The following KCNQ5 variants were observed in gnomAD, a reference collection of about 807,000 sequenced individuals.
KCNQ5 encodes potassium voltage-gated channel subfamily Q member 5, also known as potassium voltage-gated channel subfamily KQT member 5.
A neutral mutation model predicts 98.2 loss-of-function variants in KCNQ5; 30 were observed. The ratio of observed to expected loss-of-function variants is 0.31; its 90% CI spans 0.23 to 0.41. The LOEUF (loss-of-function observed/expected upper bound fraction) is 0.41. Ranked by LOEUF, KCNQ5 falls within the 10% of genes least tolerant of loss-of-function variation. KCNQ5 has a pLI of 1.00. For missense variants in KCNQ5, 835 were observed against 1,182.5 expected, an observed-to-expected ratio of 0.71 and a Z score of 4.31; for synonymous variants, 458 against 449.4, an observed-to-expected ratio of 1.02 and a Z score of -0.24.
rs1432389051 is a variant in KCNQ5 at position 73,124,497 on chromosome 6, G to A, written c.1232G>A (p.Gly411Glu). Residue 411 changes from glycine to glutamate, a missense_variant, in exon 9 of 14, where the codon GGG (glycine) becomes GAG (glutamate). Coordinates refer to ENST00000370398, the MANE Select transcript of KCNQ5 (RefSeq NM_019842.4). ...HTCSPTKKEQ[G>E]EASSSQKLSF... ...GCACGCACCTGAAGGAAAGAACAAG[G>A]GGAAGCATCAAGCAGGTTTGTGATT... 2 of 1,613,498 alleles carry A rather than the reference G, an allele frequency of 1.2e-6. No individual in the cohort carries two copies. Among genetic ancestry groups the A allele is most frequent in the Non-Finnish European group, 1.7e-6 (2 of 1,179,582 alleles).
intron 1 of KCNQ5, among the ~76,000 whole-genome samples, chr6:72,998,995 A>T (rs751782308): frequency 3.3e-5 from 5 of 152,218 alleles, no homozygotes; most frequent in Non-Finnish European, 4.4e-5. Flanking sequence ...CATCATTCAC[A>T]ATTGTTTGTG....
intron 2 of KCNQ5, among the ~76,000 whole-genome samples, chr6:73,006,122 G>A (rs1244759983): frequency 6.6e-6 from 1 of 152,100 alleles, no homozygotes; most frequent in Non-Finnish European, 1.5e-5. Flanking sequence ...ATCATTTGTA[G>A]AAGATTTGGA....
At chr6:73,023,777 T>C (rs1284598820) in intron 2 of KCNQ5, among the ~76,000 whole-genome samples, 1 of 152,224 alleles carries the variant, frequency 6.6e-6, no homozygotes, top group Non-Finnish European at 1.5e-5. Flanking sequence ...GGATGGCGTC[T>C]TCTTCCTTTG....
intron 9 of KCNQ5, among the ~76,000 whole-genome samples, chr6:73,129,378 C>T (rs1776126849): frequency 6.6e-6 from 1 of 152,180 alleles, no homozygotes; most frequent in Non-Finnish European, 1.5e-5. Flanking sequence ...TTCACACAAA[C>T]CAAGAACTTA....
chr6:73,034,850 T>C lies in KCNQ5; in HGVS notation c.490-7086T>C, dbSNP rs1012678815. ...CCACTGCCTCTTTTCTTTTTTTTTT[T>C]TTTTTTTTTTTTTGAGACAGTATCT... is the stretch of plus-strand genomic sequence containing the variant. On this transcript the variant is annotated intron_variant, in intron 2 of 13. Transcript: ENST00000370398. 2.5e-3 allele frequency among the ~76,000 whole-genome samples: 379 copies of C among 149,068 alleles called. 2 individuals are homozygous for C. Among genetic ancestry groups the C allele is most frequent in the Middle Eastern group, 0.01 (3 of 294 alleles).
chr6:73,046,280 T>C (rs1473530211), intron 3 of KCNQ5, among the ~76,000 whole-genome samples: 1 of 152,202 alleles, frequency 6.6e-6, no homozygotes, highest in African/African-American at 2.4e-5. Context: ...TTCCCTTTAG[T>C]AGAAATTATA....
At chr6:72,786,638 T>G (rs1248765826) in intron 1 of KCNQ5, among the ~76,000 whole-genome samples, 3 of 152,114 alleles carry the variant, frequency 2.0e-5, no homozygotes, top group African/African-American at 7.2e-5. Context: ...CTTGATTTAT[T>G]CAAAGTCCTA....
intron 8 of KCNQ5, 77 bp downstream of exon 8, chr6:73,120,654 A>C (rs991929208): frequency 1.4e-5 from 12 of 874,666 alleles, no homozygotes; most frequent in South Asian, 3.6e-5. Context: ...CACACACACA[A>C]AAAAAGGTGT....
At chr6:72,686,496 G>A (rs368453015) in intron 1 of KCNQ5, among the ~76,000 whole-genome samples, 1 of 152,076 alleles carries the variant, frequency 6.6e-6, no homozygotes, top group Non-Finnish European at 1.5e-5. Context: ...CCACTTTTCT[G>A]TTGGATTGAT....
intron 3 of KCNQ5, chr6:73,055,896 A>C (rs1405641031): frequency 1.8e-6 from 1 of 568,370 alleles, no homozygotes; most frequent in Non-Finnish European, 3.4e-6. Context: ...CATTGCATCC[A>C]TCTGTCCCTC....
At chr6:72,656,853 T>G (rs1766222320) in intron 1 of KCNQ5, among the ~76,000 whole-genome samples, 1 of 152,166 alleles carries the variant, frequency 6.6e-6, no homozygotes. Flanking sequence ...ACTCTGTCCC[T>G]AGGTGCTTCA....
intron 8 of KCNQ5, among the ~76,000 whole-genome samples, chr6:73,123,021 G>A (rs151055669): frequency 6.6e-6 from 1 of 152,132 alleles, no homozygotes; most frequent in Non-Finnish European, 1.5e-5. Flanking sequence ...ACTTCTGATG[G>A]GAAAGATCAT....
At chr6:72,930,579 C>CA (rs5877339) in intron 1 of KCNQ5, among the ~76,000 whole-genome samples, 38,185 of 93,838 alleles carry the variant, frequency 0.41, 6,180 homozygotes, top group Admixed American at 0.44. Flanking sequence ...GACATTTTAC[C>CA]AAAAAAAAAA....
chr6:73,180,034 C>T (rs1481600029), intron 11 of KCNQ5, among the ~76,000 whole-genome samples: 2 of 152,186 alleles, frequency 1.3e-5, no homozygotes, highest in African/African-American at 4.8e-5. Flanking sequence ...GACAAATTCT[C>T]GAGTCCCACT....
rs571649959 is a variant in KCNQ5 at position 73,120,667 on chromosome 6, A to G, written c.1220+90A>G. The G allele has an allele frequency of 4.9e-4, 367 of 755,952 alleles. 3 individuals are homozygous for G. In the South Asian group the frequency reaches 7.8e-3, roughly 16 times the overall value. 46.8% of individuals were successfully genotyped at this position (755,952 alleles called of 1,614,324 possible). On this transcript the variant is annotated intron_variant, in intron 8 of 13. Coordinates refer to ENST00000370398, the MANE Select transcript of KCNQ5 (RefSeq NM_019842.4). ...CCCACACACACAAAAAAAGGTGTTAATGTTTGGCTTCTCTTATTCTCTGTT... is the reference window on the plus strand; with the variant it reads ...CCCACACACACAAAAAAAGGTGTTAGTGTTTGGCTTCTCTTATTCTCTGTT...
At chr6:73,060,556 A>G (rs1254948785) in intron 3 of KCNQ5, among the ~76,000 whole-genome samples, 1 of 152,196 alleles carries the variant, frequency 6.6e-6, no homozygotes, top group African/African-American at 2.4e-5. Flanking sequence ...AAATATTGAT[A>G]GAATACATAA....
chr6:72,735,489 A>C (rs1173820986), intron 1 of KCNQ5, among the ~76,000 whole-genome samples: 3 of 152,282 alleles, frequency 2.0e-5, no homozygotes, highest in South Asian at 2.1e-4. Flanking sequence ...AGTACTACTA[A>C]TATTTTTAAT....
At chr6:72,933,774 A>C (rs145732944) in intron 1 of KCNQ5, among the ~76,000 whole-genome samples, 7 of 152,296 alleles carry the variant, frequency 4.6e-5, no homozygotes, top group Non-Finnish European at 1.0e-4. Context: ...TCCTAATAAT[A>C]ATAGTAGCCA....
intron 3 of KCNQ5, among the ~76,000 whole-genome samples, chr6:73,071,419 C>T (rs1055939388): frequency 6.6e-6 from 1 of 151,966 alleles, no homozygotes; most frequent in Non-Finnish European, 1.5e-5. Flanking sequence ...AATAGCAAAA[C>T]CAAAAGTAAC....
Sources: allele counts gnomAD v4.1 joint callset (sites outside exome capture counted in the v4.1 genomes callset), GRCh38; gene constraint gnomAD v4.1.1; transcripts MANE v1.5; gene names NCBI Gene and HGNC (gene_info 2026-07-23, HGNC 2026-07-21).